Variants in STIM1 observed in about 807,000 individuals in gnomAD.
The protein encoded by STIM1 is stromal interaction molecule 1.
In STIM1, 25 loss-of-function variants were observed where a neutral mutation model predicts 74.7. That is an observed-to-expected ratio of 0.33 (90% CI 0.24 to 0.47). STIM1 has a LOEUF of 0.47. Among genes scored for constraint, STIM1 ranks in the 20% least tolerant of loss-of-function variants. STIM1 has a pLI of 1.00. For synonymous variants in STIM1, 328 were observed against 348.8 expected, an observed-to-expected ratio of 0.94 and a Z score of 0.66; for missense variants, 728 against 920.8, an observed-to-expected ratio of 0.79 and a Z score of 2.71.
At chr11:3,927,661 G>A (rs1565118168) in intron 1 of STIM1, among the ~76,000 whole-genome samples, 1 of 152,134 alleles carries the variant, frequency 6.6e-6, no homozygotes, top group East Asian at 1.9e-4. Flanking sequence ...GGGCAGCAGG[G>A]CCGGTTATAT....
chr11:3,948,153 G>A (rs189408060), intron 1 of STIM1, among the ~76,000 whole-genome samples: 83 of 152,214 alleles, frequency 5.5e-4, no homozygotes, highest in African/African-American at 1.8e-3. Context: ...TATAGGGCGC[G>A]GAGTAGTTAA....
chr11:3,867,790 C>G (rs12272634), intron 1 of STIM1, among the ~76,000 whole-genome samples: 1,945 of 152,256 alleles, frequency 0.013, 44 homozygotes, highest in African/African-American at 0.044. Context: ...TACACAGAGC[C>G]CCTGGCTGCC....
chr11:3,911,692 C>G (rs747866267), intron 1 of STIM1, among the ~76,000 whole-genome samples: 144 of 152,276 alleles, frequency 9.5e-4, no homozygotes, highest in Non-Finnish European at 1.8e-3. Context: ...TTACTCTTTT[C>G]TATCTAGTAA....
intron 3 of STIM1, among the ~76,000 whole-genome samples, chr11:4,042,498 T>TATTGTG (rs2094155898): frequency 6.6e-6 from 1 of 152,260 alleles, no homozygotes; most frequent in Non-Finnish European, 1.5e-5. Flanking sequence ...TGTGTATTGT[T>TATTGTG]GTATCTTTAC....
rs551427671 is a variant in STIM1, at chr11:4,031,686, G to C, written c.385+7699G>C. ...CCATTCATATCTCTTTTTTGGTAGA[G>C]TATCTGTTAAATCTTTTGTCTGCTT... is the stretch of plus-strand genomic sequence containing the variant. On this transcript the variant is annotated intron_variant, in intron 3 of 12. Coordinates refer to ENST00000526596, the MANE Select transcript of STIM1 (RefSeq NM_001382567.1). Among the ~76,000 whole-genome samples the C allele has an allele frequency of 9.9e-5, 15 of 152,230 alleles. 1 individual carries two copies. In the South Asian group the frequency reaches 2.7e-3, roughly 27 times the overall value.
chr11:3,935,388 A>G (rs939678376), intron 1 of STIM1, among the ~76,000 whole-genome samples: 3 of 152,180 alleles, frequency 2.0e-5, no homozygotes, highest in African/African-American at 7.2e-5. Flanking sequence ...GCTGTCTCTG[A>G]TATCAGTTTA....
chr11:3,997,122 C>T (rs773814157), intron 2 of STIM1, among the ~76,000 whole-genome samples: 3 of 152,214 alleles, frequency 2.0e-5, no homozygotes, highest in Non-Finnish European at 2.9e-5. Flanking sequence ...CAAGCTGAAA[C>T]TTTTAATGCT....
intron 1 of STIM1, among the ~76,000 whole-genome samples, chr11:3,904,773 G>C (rs1456658232): frequency 6.6e-6 from 1 of 152,142 alleles, no homozygotes; most frequent in Non-Finnish European, 1.5e-5. Flanking sequence ...GAATACAAGA[G>C]AGAGAGCCGG....
At chr11:3,991,950 CAAAAAAAAAAAA>C (rs1230185435) in intron 2 of STIM1, among the ~76,000 whole-genome samples, 2 of 36,702 alleles carry the variant, frequency 5.4e-5, no homozygotes, top group African/African-American at 1.4e-4. Context: ...AACTCCATCT[CAAAAAAAAAAAA>C]AAAAAAAAAA....
chr11:3,936,605 C>A (rs2092934532), intron 1 of STIM1, among the ~76,000 whole-genome samples: 2 of 152,154 alleles, frequency 1.3e-5, no homozygotes, highest in African/African-American at 4.8e-5. Context: ...GCTCACATAA[C>A]TGGAATAGAA....
Position 3,882,665 on chromosome 11 carries a change from A to G in STIM1, c.139+26256A>G, listed in dbSNP as rs148597053. ...ACCTGTTTCCAGTTCTTTTGGGTAC[A>G]TACCTAGGAGTGGAATTGCTAGGTT... On this transcript the variant is annotated intron_variant, in intron 1 of 12. Transcript: ENST00000526596. 1.4e-4 allele frequency among the ~76,000 whole-genome samples: 21 copies of G among 152,338 alleles called. No homozygotes were observed. The East Asian group carries it at 4.0e-3, about 29-fold the overall frequency.
chr11:4,016,710 G>C (rs1483768025), intron 2 of STIM1, among the ~76,000 whole-genome samples: 1 of 152,274 alleles, frequency 6.6e-6, no homozygotes, highest in Non-Finnish European at 1.5e-5. Context: ...GCTCCGCCCA[G>C]TTTGAGCTCC....
chr11:3,983,873 CTT>C (rs879879292), intron 2 of STIM1, among the ~76,000 whole-genome samples: 3 of 145,822 alleles, frequency 2.1e-5, no homozygotes, highest in Admixed American at 6.9e-5. Context: ...TTTCTCCTTT[CTT>C]TTTTTTTTTT....
chr11:3,987,992 T>C (rs555428023), intron 2 of STIM1, among the ~76,000 whole-genome samples: 1 of 152,340 alleles, frequency 6.6e-6, no homozygotes, highest in East Asian at 1.9e-4. Flanking sequence ...CCCATACCAC[T>C]GCCCAAAGGT....
intron 2 of STIM1, chr11:3,999,761 C>T (rs986540292): frequency 6.5e-6 from 1 of 152,690 alleles, no homozygotes; most frequent in African/African-American, 2.4e-5. Context: ...CGTGTGCCAG[C>T]CAAAGCAGGG....
chr11:3,950,994 C>T (rs1425047339), intron 1 of STIM1, among the ~76,000 whole-genome samples: 1 of 152,124 alleles, frequency 6.6e-6, no homozygotes, highest in South Asian at 2.1e-4. Flanking sequence ...GAAACTAGAA[C>T]AGAGACAGGG....
At chr11:4,027,553 A>T (rs893507598) in intron 3 of STIM1, among the ~76,000 whole-genome samples, 5 of 152,130 alleles carry the variant, frequency 3.3e-5, no homozygotes, top group African/African-American at 1.2e-4. Context: ...TGACCTCATT[A>T]TCTGCCCACC....
intron 5 of STIM1, among the ~76,000 whole-genome samples, chr11:4,062,051 A>G (rs1218595981): frequency 6.6e-6 from 1 of 152,230 alleles, no homozygotes; most frequent in Non-Finnish European, 1.5e-5. Flanking sequence ...ATATTTTGGA[A>G]CTAGATAGAG....
intron 3 of STIM1, among the ~76,000 whole-genome samples, chr11:4,025,707 G>A (rs1348497849): frequency 1.3e-5 from 2 of 152,170 alleles, no homozygotes; most frequent in African/African-American, 4.8e-5. Flanking sequence ...TGAGAGGGCA[G>A]AAACAGAGGG....
Sources: gnomAD v4.1 joint callset for allele counts (sites outside exome capture counted in the v4.1 genomes callset) on GRCh38, gnomAD v4.1.1 for gene constraint, MANE v1.5 for transcripts, NCBI Gene and HGNC (gene_info 2026-07-23, HGNC 2026-07-21) for gene names.